B3GALT1: variants seen among roughly 807,000 people sequenced by gnomAD.
B3GALT1 encodes UDP-Gal:betaGlcNAc beta 1,3-galactosyltransferase, polypeptide 1.
In B3GALT1, 10 loss-of-function variants were observed where a neutral mutation model predicts 23.2. That is an observed-to-expected ratio of 0.43 (90% CI 0.27 to 0.73). The LOEUF (loss-of-function observed/expected upper bound fraction) is 0.73. B3GALT1 is among the 30% of genes least tolerant of loss of function. The probability of loss-of-function intolerance (pLI) is 0.21; values close to 1 mark genes in which losing one functional copy is unlikely to be tolerated. For missense variants in B3GALT1, 299 were observed against 405.4 expected (o/e 0.74, Z 2.25); for synonymous variants, 156 against 141.5 (o/e 1.10, Z -0.73).
intron 1 of B3GALT1, among the ~76,000 whole-genome samples, chr2:167,320,775 A>G (rs1696798930): frequency 6.6e-6 from 1 of 152,114 alleles, no homozygotes; most frequent in South Asian, 2.1e-4. Context: ...AACTGGATAA[A>G]TGGAAATTAA....
At chr2:167,703,969 C>CAGGA (rs775380340) in intron 3 of B3GALT1, among the ~76,000 whole-genome samples, 172 of 152,122 alleles carry the variant, frequency 1.1e-3, no homozygotes, top group Non-Finnish European at 2.2e-3. Context: ...ATCACGAGGT[C>CAGGA]AGGAGATCAA....
chr2:167,735,889 TGAA>T (rs1380891678), intron 3 of B3GALT1, among the ~76,000 whole-genome samples: 1 of 152,024 alleles, frequency 6.6e-6, no homozygotes, highest in Non-Finnish European at 1.5e-5. Flanking sequence ...ATCCACATGA[TGAA>T]GAAGGAGAAG....
At chr2:167,399,901 A>G (rs1249739965) in intron 1 of B3GALT1, among the ~76,000 whole-genome samples, 4 of 152,166 alleles carry the variant, frequency 2.6e-5, no homozygotes, top group Non-Finnish European at 5.9e-5. Flanking sequence ...TAAAGACTAA[A>G]AAAGTAAAAG....
At chr2:167,583,347 C>T (rs207462636) in intron 2 of B3GALT1, among the ~76,000 whole-genome samples, 1 of 152,124 alleles carries the variant, frequency 6.6e-6, no homozygotes, top group Non-Finnish European at 1.5e-5. Context: ...AAAAAAAATG[C>T]TGTGATCTGT....
At chr2:167,777,529 G>T (rs1308607924) in intron 3 of B3GALT1, among the ~76,000 whole-genome samples, 1 of 152,078 alleles carries the variant, frequency 6.6e-6, no homozygotes, top group Non-Finnish European at 1.5e-5. Context: ...TGTGTTTTCA[G>T]TAGAGACGTG....
At chr2:167,695,887 A>G (rs1032615541) in intron 3 of B3GALT1, among the ~76,000 whole-genome samples, 2 of 152,166 alleles carry the variant, frequency 1.3e-5, no homozygotes, top group Non-Finnish European at 2.9e-5. Context: ...TCATGTCTGC[A>G]TTCCAACCAG....
intron 3 of B3GALT1, among the ~76,000 whole-genome samples, chr2:167,750,158 G>C (rs908964391): frequency 2.0e-5 from 3 of 152,126 alleles, no homozygotes; most frequent in Admixed American, 6.6e-5. Flanking sequence ...TAGCAAATAA[G>C]GCTAAGAAAA....
At chr2:167,767,594 A>G (rs955752302) in intron 3 of B3GALT1, among the ~76,000 whole-genome samples, 3 of 152,180 alleles carry the variant, frequency 2.0e-5, no homozygotes, top group African/African-American at 7.2e-5. Flanking sequence ...AAATTCCTGT[A>G]TAGTTTTTCA....
At chr2:167,775,940 C>T (rs1438955363) in intron 3 of B3GALT1, among the ~76,000 whole-genome samples, 1 of 151,694 alleles carries the variant, frequency 6.6e-6, no homozygotes, top group Non-Finnish European at 1.5e-5. Flanking sequence ...TCTTCAGGGA[C>T]CTGTAACTAA....
Position 167,821,431 on chromosome 2 carries a change from C to CTTT in B3GALT1, c.-230+2658_-230+2660dup, listed in dbSNP as rs10573752. Among the ~76,000 whole-genome samples, 118 of 108,704 alleles carry CTTT rather than the reference C, an allele frequency of 1.1e-3. 2 individuals are homozygous for CTTT. The highest frequency in any genetic ancestry group is 2.9e-3 in the African/African-American group (75 of 26,128). The allele number at this position is 108,704 out of a possible 152,430, so 71.3% of individuals were successfully genotyped here. A position where few individuals can be genotyped will look rare whatever the true frequency, so the allele number is the denominator to read the frequency against. ...CTCATGAGATTTGACAAGGAAGGTA[C>CTTT]TTTTTTTTTTTTTTTTTTTTTTGAG... On this transcript the variant is annotated intron_variant, in intron 4 of 4. Transcript: ENST00000392690.
chr2:167,370,882 C>T (rs999099683), intron 1 of B3GALT1, among the ~76,000 whole-genome samples: 6 of 151,984 alleles, frequency 3.9e-5, no homozygotes, highest in East Asian at 1.9e-4. Context: ...GCTGAGATCA[C>T]GCCACTGCAC....
At chr2:167,674,416 T>C (rs1189827673) in intron 3 of B3GALT1, among the ~76,000 whole-genome samples, 1 of 152,206 alleles carries the variant, frequency 6.6e-6, no homozygotes, top group Non-Finnish European at 1.5e-5. Context: ...ATTTGTTTCA[T>C]GTAAGCAAGA....
chr2:167,581,717 A>G (rs1246186697), intron 2 of B3GALT1, among the ~76,000 whole-genome samples: 1 of 152,248 alleles, frequency 6.6e-6, no homozygotes. Context: ...AAATCAGAAC[A>G]TTAATTTCAG....
intron 4 of B3GALT1, among the ~76,000 whole-genome samples, chr2:167,839,022 G>A (rs1160003669): frequency 5.9e-5 from 9 of 152,332 alleles, no homozygotes; most frequent in South Asian, 4.1e-4. Flanking sequence ...TTGATGGGAC[G>A]TATCTGAAAA....
At chr2:167,509,773 A>T (rs1699975477) in intron 2 of B3GALT1, among the ~76,000 whole-genome samples, 1 of 152,142 alleles carries the variant, frequency 6.6e-6, no homozygotes, top group Admixed American at 6.6e-5. Context: ...AAGGGGAAAG[A>T]CTTTGCAGTT....
chr2:167,590,249 A>G (rs1033130758), intron 2 of B3GALT1, among the ~76,000 whole-genome samples: 1 of 151,586 alleles, frequency 6.6e-6, no homozygotes, highest in African/African-American at 2.4e-5. Context: ...GGGAGGTTGA[A>G]GCAGGAGAAT....
At chr2:167,807,347 C>T (rs1441363528) in intron 3 of B3GALT1, among the ~76,000 whole-genome samples, 2 of 152,010 alleles carry the variant, frequency 1.3e-5, no homozygotes, top group Non-Finnish European at 2.9e-5. Context: ...TATTTCTTGC[C>T]TTCTGCTAGC....
At chr2:167,415,780 C>T (rs994830523) in intron 1 of B3GALT1, among the ~76,000 whole-genome samples, 1 of 152,158 alleles carries the variant, frequency 6.6e-6, no homozygotes, top group African/African-American at 2.4e-5. Context: ...AAAGTCCATC[C>T]TTGTTGTAAA....
chr2:167,419,686 T>C (rs887758929), intron 1 of B3GALT1, among the ~76,000 whole-genome samples: 1 of 152,204 alleles, frequency 6.6e-6, no homozygotes, highest in African/African-American at 2.4e-5. Context: ...AATTAGTGTC[T>C]TAATGCACGA....
Sources: gnomAD v4.1 joint callset for allele counts (sites outside exome capture counted in the v4.1 genomes callset) on GRCh38, gnomAD v4.1.1 for gene constraint, MANE v1.5 for transcripts, NCBI Gene and HGNC (gene_info 2026-07-23, HGNC 2026-07-21) for gene names.